MED12L: variants seen among roughly 807,000 people sequenced by gnomAD.
The protein encoded by MED12L is mediator complex subunit 12L, also known as mediator of RNA polymerase II transcription subunit 12-like protein.
Under a neutral mutation model 281.3 loss-of-function variants are expected in MED12L, and 60 were observed. The ratio of observed to expected loss-of-function variants is 0.21; its 90% CI spans 0.17 to 0.26. MED12L has a LOEUF of 0.26. Among genes scored for constraint, MED12L ranks in the 10% least tolerant of loss-of-function variants. The pLI, the probability that MED12L is intolerant of heterozygous loss-of-function variation, is 1.00. For synonymous variants in MED12L, 974 were observed against 987.2 expected, an observed-to-expected ratio of 0.99 and a Z score of 0.25; for missense variants, 2,146 against 2,680.9, an observed-to-expected ratio of 0.80 and a Z score of 4.41.
chr3:151,352,931 TGAG>T (rs1318990443), intron 17 of MED12L, among the ~76,000 whole-genome samples: 5 of 152,146 alleles, frequency 3.3e-5, no homozygotes, highest in Non-Finnish European at 7.4e-5. Flanking sequence ...ATAAGAAAGA[TGAG>T]GAAAAATATA....
intron 43 of MED12L, among the ~76,000 whole-genome samples, chr3:151,416,954 A>C (rs1022700999): frequency 1.3e-5 from 2 of 152,230 alleles, no homozygotes; most frequent in Non-Finnish European, 2.9e-5. Flanking sequence ...ATAGCCATCA[A>C]AGTTTTCTAA....
intron 16 of MED12L, among the ~76,000 whole-genome samples, chr3:151,200,230 G>T (rs946733770): frequency 6.6e-6 from 1 of 152,050 alleles, no homozygotes; most frequent in Non-Finnish European, 1.5e-5. Flanking sequence ...CCCAAATCTG[G>T]AACATTGAGC....
In MED12L at chr3:151,434,340, A is replaced by G. The variant is rs923914990; in HGVS notation, c.*1536A>G. 4 of 152,186 alleles carry G rather than the reference A, an allele frequency of 2.6e-5. No individual in the cohort carries two copies. The highest frequency in any genetic ancestry group is 1.3e-4 in the Admixed American group (2 of 15,278). 9.4% of individuals were successfully genotyped at this position (152,186 alleles called of 1,614,324 possible). Reference sequence around the variant, plus strand: ...CTCATTGCAAAGTTTGACTCATGCAAATGACCTCAAATACATGTCAGCTTA... The same window carrying G: ...CTCATTGCAAAGTTTGACTCATGCAGATGACCTCAAATACATGTCAGCTTA... On this transcript the variant is annotated 3_prime_UTR_variant, in exon 45 of 45. Coordinates refer to ENST00000687756, the MANE Select transcript of MED12L (RefSeq NM_001393769.1).
At chr3:151,255,320 T>C (rs1245827119) in intron 16 of MED12L, among the ~76,000 whole-genome samples, 5 of 152,178 alleles carry the variant, frequency 3.3e-5, no homozygotes, top group Non-Finnish European at 5.9e-5. Context: ...ACATGCAGTG[T>C]GACTTAAATA....
At chr3:151,290,461 G>A (rs564627633) in intron 16 of MED12L, among the ~76,000 whole-genome samples, 2 of 151,872 alleles carry the variant, frequency 1.3e-5, no homozygotes, top group Non-Finnish European at 2.9e-5. Context: ...ATAAATTGAT[G>A]GAAAATTTTA....
At chr3:151,358,762 G>C (rs1754253703) in intron 20 of MED12L, among the ~76,000 whole-genome samples, 1 of 152,072 alleles carries the variant, frequency 6.6e-6, no homozygotes, top group Non-Finnish European at 1.5e-5. Flanking sequence ...GTACTTATGT[G>C]AACAGTACAC....
intron 14 of MED12L, among the ~76,000 whole-genome samples, chr3:151,192,134 TC>T (rs1314304382): frequency 6.6e-6 from 1 of 152,208 alleles, no homozygotes; most frequent in Non-Finnish European, 1.5e-5. Flanking sequence ...AAACTGAAGT[TC>T]CTTTACCTGT....
intron 2 of MED12L, among the ~76,000 whole-genome samples, chr3:151,103,554 TAGTC>T (rs1721641414): frequency 1.3e-5 from 2 of 152,168 alleles, no homozygotes; most frequent in Non-Finnish European, 2.9e-5. Context: ...ATTTACTGAG[TAGTC>T]AGTCATGTGC....
intron 16 of MED12L, among the ~76,000 whole-genome samples, chr3:151,288,195 A>G (rs374445337): frequency 6.6e-6 from 1 of 152,226 alleles, no homozygotes; most frequent in African/African-American, 2.4e-5. Context: ...TGGGACCATG[A>G]ATGCTTTATA....
chr3:151,227,871 G>T (rs1730850030), intron 16 of MED12L, among the ~76,000 whole-genome samples: 1 of 152,132 alleles, frequency 6.6e-6, no homozygotes, highest in Non-Finnish European at 1.5e-5. Context: ...CTTGTGTATT[G>T]TTGGGTGTTT....
chr3:151,186,325 T>A (rs1359531325), intron 12 of MED12L, among the ~76,000 whole-genome samples: 2 of 152,146 alleles, frequency 1.3e-5, no homozygotes, highest in Non-Finnish European at 2.9e-5. Context: ...ACCTCATCTC[T>A]CTGCTTCCTC....
intron 14 of MED12L, among the ~76,000 whole-genome samples, chr3:151,191,275 A>G (rs1237139043): frequency 1.3e-5 from 2 of 152,172 alleles, no homozygotes; most frequent in African/African-American, 4.8e-5. Context: ...TTGACCTTTA[A>G]GTGTCAGCTG....
chr3:151,304,828 C>T (rs1016342374), intron 16 of MED12L, among the ~76,000 whole-genome samples: 16 of 152,070 alleles, frequency 1.1e-4, no homozygotes, highest in Admixed American at 6.6e-4. Context: ...TGTGTACTTG[C>T]GCAGGGTGGA....
intron 16 of MED12L, among the ~76,000 whole-genome samples, chr3:151,263,738 G>A (rs542852685): frequency 1.4e-4 from 20 of 139,508 alleles, no homozygotes; most frequent in South Asian, 2.3e-4. Context: ...AGGCTACAGG[G>A]TTGGAATTCC....
chr3:151,305,026 G>A (rs1188240462), intron 16 of MED12L, among the ~76,000 whole-genome samples: 1 of 152,178 alleles, frequency 6.6e-6, no homozygotes, highest in Non-Finnish European at 1.5e-5. Context: ...TGCTCCAATA[G>A]CTTGCCCTTC....
intron 16 of MED12L, among the ~76,000 whole-genome samples, chr3:151,236,323 T>C (rs886396845): frequency 2.0e-5 from 3 of 152,246 alleles, no homozygotes; most frequent in Non-Finnish European, 2.9e-5. Flanking sequence ...TCAATGTGCA[T>C]AGTAGATTAA....
chr3:151,163,872 CT>C lies in MED12L; in HGVS notation c.1108-18del. ...TTTTCTCCTTCCTCTGAACATCCAACTTTATCTGTTTCATTTCCAGACTGTC... is the reference window on the plus strand; with the variant it reads ...TTTTCTCCTTCCTCTGAACATCCAACTTATCTGTTTCATTTCCAGACTGTC... On this transcript the variant is annotated intron_variant, in intron 8 of 44. Coordinates refer to ENST00000687756, the MANE Select transcript of MED12L (RefSeq NM_001393769.1). The C allele has an allele frequency of 6.2e-7, 1 of 1,603,914 alleles. No homozygotes were observed. The highest frequency in any genetic ancestry group is 2.2e-5 in the East Asian group (1 of 44,484).
chr3:151,425,273 A>T (rs373112924), intron 43 of MED12L: 4 of 170,030 alleles, frequency 2.4e-5, no homozygotes, highest in African/African-American at 9.6e-5. Context: ...TGTTTATTTA[A>T]ATAGAAATTA....
rs528486230 is a variant in MED12L at position 151,211,510 on chromosome 3, G to T, written c.2250+17844G>T. Among the ~76,000 whole-genome samples the T allele has an allele frequency of 7.9e-5, 12 of 151,262 alleles. No individual in the cohort carries two copies. The South Asian group carries it at 2.5e-3, about 32-fold the overall frequency. On this transcript the variant is annotated intron_variant, in intron 16 of 44. Coordinates refer to ENST00000687756, the MANE Select transcript of MED12L (RefSeq NM_001393769.1). ...TTTTATTTTTTGAGACGGTCTGATT[G>T]ACCCAGAATTGGGAACTATTAGAAC...
Sources: gnomAD v4.1 joint callset for allele counts (sites outside exome capture counted in the v4.1 genomes callset) on GRCh38, gnomAD v4.1.1 for gene constraint, MANE v1.5 for transcripts, NCBI Gene and HGNC (gene_info 2026-07-23, HGNC 2026-07-21) for gene names.